The following HUWE1 variants were observed in gnomAD, a reference collection of about 807,000 sequenced individuals.
HUWE1 encodes the protein HECT, UBA and WWE domain containing E3 ubiquitin protein ligase 1, also known as E3 ubiquitin-protein ligase HUWE1.
HUWE1 carries 18 observed loss-of-function variants against 299.4 expected under a neutral mutation model. The ratio of observed to expected loss-of-function variants is 0.06; its 90% confidence interval spans 0.04 to 0.09. HUWE1 has a LOEUF of 0.09. Ranked by LOEUF, HUWE1 falls within the 10% of genes least tolerant of loss-of-function variation. The pLI, the probability that HUWE1 is intolerant of heterozygous loss-of-function variation, is 1.00. For missense variants in HUWE1, 1,832 were observed against 3,462.3 expected (o/e 0.53, Z 11.82); for synonymous variants, 1,317 against 1,286.1 (o/e 1.02, Z -0.51).
chrX:53,590,349 C>CA (rs2064091703), intron 35 of HUWE1, 55 bp downstream of exon 35: 4 of 777,400 alleles, frequency 5.1e-6, no homozygotes, highest in East Asian at 3.1e-5. Flanking sequence ...AGAATGTTCA[C>CA]AGAATACTAA....
chrX:53,590,170 A>T (rs781810257), intron 35 of HUWE1, among the ~76,000 whole-genome samples: 8 of 112,406 alleles, frequency 7.1e-5, no homozygotes, highest in Non-Finnish European at 1.5e-4. Context: ...TACTGAGTAC[A>T]CATTGGGTCT....
chrX:53,579,709 C>T (rs376752315), intron 43 of HUWE1, among the ~76,000 whole-genome samples: 3 of 97,547 alleles, frequency 3.1e-5, no homozygotes, highest in Non-Finnish European at 6.2e-5. Context: ...GGATTAAGGG[C>T]GGTGCAAGAT....
chrX:53,610,792 C>T (rs964680738), intron 23 of HUWE1, among the ~76,000 whole-genome samples: 3 of 111,531 alleles, frequency 2.7e-5, no homozygotes, highest in Admixed American at 9.5e-5. Flanking sequence ...CAGACAATTG[C>T]TATTCAAGTT....
intron 45 of HUWE1, 103 bp from the exon 46 acceptor site, chrX:53,575,324 C>G: frequency 3.3e-6 from 2 of 614,460 alleles, no homozygotes; most frequent in Non-Finnish European, 5.4e-6. Context: ...GCCACAGATT[C>G]TCTTTGGCCA....
At chrX:53,663,523 A>AT (rs1173250245) in intron 3 of HUWE1, among the ~76,000 whole-genome samples, 4 of 110,311 alleles carry the variant, frequency 3.6e-5, no homozygotes, top group Admixed American at 1.9e-4. Context: ...CGGGGGAAAA[A>AT]ATATATATAT....
At chrX:53,584,881 T>C (rs1172996960) in intron 40 of HUWE1, 131 bp downstream of exon 40, 1 of 731,187 alleles carries the variant, frequency 1.4e-6, no homozygotes, top group African/African-American at 2.1e-5. Context: ...ACACTAACGA[T>C]ATTTGATAAG....
intron 3 of HUWE1, among the ~76,000 whole-genome samples, chrX:53,679,131 G>C (rs2069989805): frequency 9.1e-6 from 1 of 109,353 alleles, no homozygotes; most frequent in African/African-American, 3.3e-5. Flanking sequence ...TGGGGGGCGG[G>C]AAACTATATA....
Position 53,532,991 on chromosome X carries a change from C to A in HUWE1, c.*318G>T, listed in dbSNP as rs1478293710. The A allele has an allele frequency of 5.1e-6, 1 of 197,705 alleles. No homozygotes were observed. Among genetic ancestry groups the A allele is most frequent in the African/African-American group, 2.9e-5 (1 of 34,118 alleles). The allele number at this position is 197,705 out of a possible 1,213,427, so 16.3% of individuals were successfully genotyped here. On this transcript the variant is annotated 3_prime_UTR_variant, in exon 84 of 84. Transcript: ENST00000262854. ...TCAATGCAGCAAATCCTTCTGAACA[C>A]AGAATCTGAGGAGCACACTGTTCAA...
intron 29 of HUWE1, among the ~76,000 whole-genome samples, chrX:53,599,502 G>GA (rs1199290750): frequency 4.2e-4 from 47 of 110,636 alleles, no homozygotes; most frequent in Non-Finnish European, 4.2e-4. Context: ...CATTAAAGGG[G>GA]AAAAAAAAGG....
intron 43 of HUWE1, among the ~76,000 whole-genome samples, chrX:53,580,490 TGTGTTACAC>T (rs1341779391): frequency 8.9e-6 from 1 of 112,401 alleles, no homozygotes; most frequent in Non-Finnish European, 1.9e-5. Context: ...TATTTCGCAC[TGTGTTACAC>T]GAGACATACA....
chrX:53,577,783 C>T (rs1295861454), intron 43 of HUWE1, among the ~76,000 whole-genome samples: 1 of 114,844 alleles, frequency 8.7e-6, no homozygotes, highest in African/African-American at 3.1e-5. Context: ...CTCGGCCTCC[C>T]GAGGCGCCGG....
intron 4 of HUWE1, among the ~76,000 whole-genome samples, chrX:53,648,652 T>TAAAAA (rs200874374): frequency 3.4e-5 from 3 of 88,055 alleles, no homozygotes; most frequent in African/African-American, 8.6e-5. Context: ...GTTAAACATC[T>TAAAAA]AAAAAAAAAA....
Position 53,655,107 on chromosome X carries a change from T to G in HUWE1, c.-24-976A>C, listed in dbSNP as rs189689875. Among the ~76,000 whole-genome samples the G allele has an allele frequency of 2.7e-3, 294 of 110,740 alleles. 1 individual carries two copies. Among genetic ancestry groups the G allele is most frequent in the Middle Eastern group, 0.014 (3 of 217 alleles). The stretch of plus-strand genomic sequence containing the variant: ...AAGTCCTCCAAAGCACAAGAAGAAA[T>G]AAGTTTCTCCTGTTAGCAACTAAGA... On this transcript the variant is annotated intron_variant, in intron 3 of 83. Coordinates refer to ENST00000262854, the MANE Select transcript of HUWE1 (RefSeq NM_031407.7).
At chrX:53,594,861 C>T (rs2148497198) in intron 30 of HUWE1, among the ~76,000 whole-genome samples, 1 of 111,699 alleles carries the variant, frequency 9.0e-6, no homozygotes, top group Non-Finnish European at 1.9e-5. Context: ...ATTAGAGATG[C>T]TCAACTGATA....
chrX:53,648,735 A>G (rs978912611), intron 4 of HUWE1, among the ~76,000 whole-genome samples: 10 of 111,054 alleles, frequency 9.0e-5, no homozygotes, highest in African/African-American at 3.3e-4. Flanking sequence ...ATTGAATCAG[A>G]GACTGAAAAG....
chrX:53,631,500 A>G lies in HUWE1; in HGVS notation c.694-18T>C. On this transcript the variant is annotated intron_variant, in intron 10 of 83. Transcript: ENST00000262854. ...TCTGAAATCTACATTAAAAAAAAAG[A>G]TATAGTTAGGAACAAAAAGTGAACC... is the stretch of plus-strand genomic sequence containing the variant. The G allele has an allele frequency of 1.7e-6, 2 of 1,178,057 alleles. No individual in the cohort carries two copies. The highest frequency in any genetic ancestry group is 2.3e-6 in the Non-Finnish European group (2 of 865,118).
intron 23 of HUWE1, among the ~76,000 whole-genome samples, chrX:53,613,977 C>T (rs868980465): frequency 1.9e-4 from 21 of 112,367 alleles, no homozygotes; most frequent in African/African-American, 6.8e-4. Context: ...AGAATGAGCA[C>T]TTCCTGGCCG....
intron 13 of HUWE1, 135 bp downstream of exon 13, chrX:53,629,381 A>G: frequency 4.0e-6 from 2 of 497,128 alleles, no homozygotes; most frequent in Admixed American, 3.0e-5. Context: ...TCGTGTTTAA[A>G]CTTGGGTCCC....
At position 53,554,894 on chromosome X, in the gene HUWE1, G is replaced by A; in HGVS notation, c.8233C>T (p.Pro2745Ser). 1 of 1,186,610 alleles carries A rather than the reference G, an allele frequency of 8.4e-7. No individual in the cohort carries two copies. Among genetic ancestry groups the A allele is most frequent in the South Asian group, 1.9e-5 (1 of 52,695 alleles). The change falls in exon 61 of 84, where the codon CCA (proline) becomes TCA (serine). Residue 2745 changes from proline (P) to serine (S), a missense_variant. Pro to Ser is a moderately conservative substitution (Grantham distance 74). This residue lies in a region of HUWE1 where 143 missense variants were observed against 148.1 expected (regional missense o/e 0.97). Coordinates refer to ENST00000262854, the MANE Select transcript of HUWE1 (RefSeq NM_031407.7). ...GCATCAGTTGAAGATGGGGTTGTTGGGTAGCTGTCAGGCATAGGCGTCCCA... is the reference window on the plus strand; with the variant it reads ...GCATCAGTTGAAGATGGGGTTGTTGAGTAGCTGTCAGGCATAGGCGTCCCA... ...SDGTPMPDSYPTTPSSTDAAT... is the reference protein window; with the variant it reads ...SDGTPMPDSYSTTPSSTDAAT...
Sources: allele counts gnomAD v4.1 joint callset (sites outside exome capture counted in the v4.1 genomes callset), GRCh38; gene constraint gnomAD v4.1.1; regional missense constraint gnomAD v4.1.1; transcripts MANE v1.5; gene names NCBI Gene and HGNC (gene_info 2026-07-23, HGNC 2026-07-21).